PACSIN2: variants seen among roughly 807,000 people sequenced by gnomAD.
The protein encoded by PACSIN2 is protein kinase C and casein kinase substrate in neurons 2, also known as protein kinase C and casein kinase substrate in neurons protein 2.
Under a neutral mutation model 63.8 loss-of-function variants are expected in PACSIN2, and 25 were observed. The ratio of observed to expected loss-of-function variants is 0.39; its 90% CI spans 0.29 to 0.55. The LOEUF is 0.55. Among genes scored for constraint, PACSIN2 ranks in the 20% least tolerant of loss-of-function variants. The probability of loss-of-function intolerance (pLI) is 0.62; values close to 1 mark genes in which losing one functional copy is unlikely to be tolerated. For missense variants in PACSIN2, 518 were observed against 646.9 expected, an observed-to-expected ratio of 0.80 and a Z score of 2.16; for synonymous variants, 255 against 256.2, an observed-to-expected ratio of 1.00 and a Z score of 0.05.
chr22:42,971,920 G>A (rs1448284268), intron 1 of PACSIN2, among the ~76,000 whole-genome samples: 6 of 146,456 alleles, frequency 4.1e-5, no homozygotes, highest in Non-Finnish European at 6.0e-5. Context: ...CCGCCGCCCC[G>A]TCTGGAAGGT....
intron 1 of PACSIN2, among the ~76,000 whole-genome samples, chr22:42,955,476 G>GA (rs112592077): frequency 1.6e-4 from 23 of 144,502 alleles, no homozygotes; most frequent in South Asian, 6.6e-4. Flanking sequence ...GCATCAGGGG[G>GA]AAAAAAAAAA....
intron 1 of PACSIN2, among the ~76,000 whole-genome samples, chr22:42,962,779 G>GCGGGGCA: frequency 1.6e-5 from 1 of 62,280 alleles, no homozygotes. Flanking sequence ...TGTGGGCGGG[G>GCGGGGCA]GGGGGGGGCG....
chr22:42,966,319 C>A (rs983163220), intron 1 of PACSIN2, among the ~76,000 whole-genome samples: 1 of 150,782 alleles, frequency 6.6e-6, no homozygotes, highest in Admixed American at 6.6e-5. Flanking sequence ...GCAATGAGAT[C>A]GTGCCCCTGC....
intron 1 of PACSIN2, among the ~76,000 whole-genome samples, chr22:42,940,628 G>A (rs1933113148): frequency 6.6e-6 from 1 of 152,166 alleles, no homozygotes; most frequent in African/African-American, 2.4e-5. Context: ...CCAGGTCCTG[G>A]GTTTCCCTAT....
intron 1 of PACSIN2, among the ~76,000 whole-genome samples, chr22:42,971,756 G>C (rs929336240): frequency 2.0e-5 from 3 of 151,240 alleles, no homozygotes; most frequent in Non-Finnish European, 2.9e-5. Flanking sequence ...TCCGGGAGGT[G>C]GGGGGTAGCC....
At chr22:42,879,219 G>T (rs1928890853) in intron 7 of PACSIN2, 50 bp from the exon 8 acceptor site, 4 of 1,590,940 alleles carry the variant, frequency 2.5e-6, no homozygotes, top group African/African-American at 2.7e-5. Flanking sequence ...CTACTTGCTG[G>T]AAGCCACGTC....
intron 1 of PACSIN2, among the ~76,000 whole-genome samples, chr22:42,955,305 A>AAACG (rs1010311436): frequency 1.2e-4 from 19 of 152,054 alleles, no homozygotes; most frequent in Admixed American, 3.9e-4. Context: ...ATGAACAAAC[A>AAACG]AACGAACGAA....
Position 42,873,143 on chromosome 22 carries a change from T to C in PACSIN2, c.1349-1674A>G, listed in dbSNP as rs537428795. On this transcript the variant is annotated intron_variant, in intron 10 of 10. Coordinates refer to ENST00000263246, the MANE Select transcript of PACSIN2 (RefSeq NM_001184970.3). The stretch of plus-strand genomic sequence containing the variant: ...TAGAACGGACAGGAAAGCTTTCACA[T>C]TGTGCAAATGTGAACTGGTGATTAG... 3.9e-5 allele frequency among the ~76,000 whole-genome samples: 6 copies of C among 152,334 alleles called. No homozygotes were observed. The East Asian group carries it at 1.2e-3, about 29-fold the overall frequency.
chr22:42,927,695 C>T (rs1932628251), intron 1 of PACSIN2, among the ~76,000 whole-genome samples: 1 of 151,848 alleles, frequency 6.6e-6, no homozygotes, highest in Admixed American at 6.6e-5. Context: ...TCAAGCGATT[C>T]TCCTGCCTCA....
intron 1 of PACSIN2, among the ~76,000 whole-genome samples, chr22:42,994,194 T>G (rs1923241016): frequency 1.3e-5 from 2 of 152,152 alleles, no homozygotes. Flanking sequence ...GACAGTGCAG[T>G]GCGCTCCTGC....
chr22:42,982,251 G>C (rs1922227119), intron 1 of PACSIN2, among the ~76,000 whole-genome samples: 1 of 59,228 alleles, frequency 1.7e-5, no homozygotes, highest in Non-Finnish European at 3.2e-5. Flanking sequence ...GGAGGGTGGT[G>C]GGGGGGTCAG....
chr22:42,968,439 A>G (rs1205561927), intron 1 of PACSIN2, among the ~76,000 whole-genome samples: 1 of 152,202 alleles, frequency 6.6e-6, no homozygotes. Context: ...AGTGCTGGGG[A>G]AAAAGAAAAT....
chr22:42,882,016 G>C (rs988754484), intron 7 of PACSIN2, among the ~76,000 whole-genome samples, 168 bp downstream of exon 7: 4 of 152,242 alleles, frequency 2.6e-5, no homozygotes, highest in Non-Finnish European at 4.4e-5. Flanking sequence ...CAGCCCCCCA[G>C]GACTCTATGC....
chr22:42,906,433 A>C (rs183769865), intron 2 of PACSIN2, among the ~76,000 whole-genome samples: 1 of 152,304 alleles, frequency 6.6e-6, no homozygotes, highest in East Asian at 1.9e-4. Context: ...CCATTTAAAA[A>C]CACGTAATTC....
chr22:42,898,698 C>A (rs911543537), intron 2 of PACSIN2, among the ~76,000 whole-genome samples: 4 of 152,104 alleles, frequency 2.6e-5, no homozygotes, highest in African/African-American at 9.7e-5. Context: ...TGCCCTTCCC[C>A]GAGCCCAGGA....
chr22:42,966,450 T>C (rs925843977), intron 1 of PACSIN2, among the ~76,000 whole-genome samples: 4 of 151,826 alleles, frequency 2.6e-5, no homozygotes, highest in African/African-American at 9.7e-5. Context: ...ACATTCTCTA[T>C]CAAAGAAGAA....
intron 1 of PACSIN2, among the ~76,000 whole-genome samples, chr22:42,982,866 C>CAAA (rs1373760068): frequency 3.7e-5 from 1 of 26,742 alleles, no homozygotes; most frequent in African/African-American, 1.5e-4. Context: ...AAAGAATGAT[C>CAAA]AATAAAAAAA....
chr22:42,962,116 C>T (rs1414599390), intron 1 of PACSIN2, among the ~76,000 whole-genome samples: 1 of 152,100 alleles, frequency 6.6e-6, no homozygotes, highest in Non-Finnish European at 1.5e-5. Flanking sequence ...ATGGTGAAAC[C>T]CCGTCTGTAC....
intron 1 of PACSIN2, among the ~76,000 whole-genome samples, chr22:42,931,595 G>A (rs977756089): frequency 5.3e-5 from 8 of 152,210 alleles, no homozygotes; most frequent in Non-Finnish European, 7.3e-5. Flanking sequence ...CAGGAACAGC[G>A]AGGAAGGAAG....
Sources: allele counts gnomAD v4.1 joint callset (sites outside exome capture counted in the v4.1 genomes callset), GRCh38; gene constraint gnomAD v4.1.1; transcripts MANE v1.5; gene names NCBI Gene and HGNC (gene_info 2026-07-23, HGNC 2026-07-21).